Variants in CDH1 observed in about 807,000 individuals in gnomAD.
The protein encoded by CDH1 is cadherin-1.
In CDH1, 35 loss-of-function variants were observed where a neutral mutation model predicts 84.5. That is an observed-to-expected ratio of 0.41 (90% CI 0.32 to 0.55). The LOEUF (loss-of-function observed/expected upper bound fraction) is 0.55, where lower values mean the gene tolerates loss of function less well. CDH1 is among the 20% of genes least tolerant of loss of function. The probability of loss-of-function intolerance (pLI) is 0.19; values close to 1 mark genes in which losing one functional copy is unlikely to be tolerated. For missense variants in CDH1, 994 were observed against 1,126.6 expected, an observed-to-expected ratio of 0.88 and a Z score of 1.68; for synonymous variants, 417 against 439.0, an observed-to-expected ratio of 0.95 and a Z score of 0.63.
chr16:68,780,083 T>C (rs1959834244), intron 2 of CDH1, among the ~76,000 whole-genome samples: 1 of 152,172 alleles, frequency 6.6e-6, no homozygotes, highest in Admixed American at 6.6e-5. Context: ...CTGGATTGGC[T>C]TCCAACCAAG....
intron 6 of CDH1, among the ~76,000 whole-genome samples, chr16:68,811,396 C>CAAA (rs1158343325): frequency 2.6e-5 from 2 of 77,758 alleles, no homozygotes; most frequent in Non-Finnish European, 2.9e-5. Context: ...AACTCCGTCT[C>CAAA]AAAAAAAAAA....
intron 2 of CDH1, among the ~76,000 whole-genome samples, chr16:68,770,388 C>T (rs561572882): frequency 3.9e-5 from 6 of 152,076 alleles, no homozygotes; most frequent in East Asian, 1.9e-4. Context: ...AAGCTCAGTC[C>T]GCAGCACATA....
intron 13 of CDH1, among the ~76,000 whole-genome samples, chr16:68,827,772 C>T (rs1961358919): frequency 6.6e-6 from 1 of 152,016 alleles, no homozygotes; most frequent in East Asian, 1.9e-4. Flanking sequence ...CTCCATGTCT[C>T]TTCCCCTCAT....
Position 68,833,315 on chromosome 16 carries a change from C to G in CDH1, c.2465C>G (p.Pro822Arg), listed in dbSNP as rs1555518215. Residue 822 changes from proline (P) to arginine (R), a missense_variant, in exon 16 of 16, where the codon CCC (proline) becomes CGC (arginine). Transcript: ENST00000261769. ...DENLKAADTD[P>R]TAPPYDSLLV... ...AATCTGAAAGCGGCTGATACTGACC[C>G]CACAGCCCCGCCTTATGATTCTCTG... 3 of 1,614,158 alleles carry G rather than the reference C, an allele frequency of 1.9e-6. No individual in the cohort carries two copies. Among genetic ancestry groups the G allele is most frequent in the Non-Finnish European group, 2.5e-6 (3 of 1,180,024 alleles).
chr16:68,831,809 G>A (rs1329374381), intron 15 of CDH1, among the ~76,000 whole-genome samples: 4 of 152,092 alleles, frequency 2.6e-5, no homozygotes, highest in East Asian at 1.9e-4. Context: ...AAAGTACTGG[G>A]ATTATGGGTG....
chr16:68,822,462 C>G, intron 12 of CDH1: 2 of 588,492 alleles, frequency 3.4e-6, no homozygotes, highest in Admixed American at 2.6e-5. Flanking sequence ...CTCCCTCTCC[C>G]AGCCTCTAGC....
chr16:68,816,875 G>C (rs1395065184), intron 10 of CDH1, among the ~76,000 whole-genome samples: 3 of 152,204 alleles, frequency 2.0e-5, no homozygotes, highest in Non-Finnish European at 2.9e-5. Flanking sequence ...AAGTTTAAAA[G>C]AATGATGAAA....
rs2152139271 is a variant in CDH1 at position 68,823,422 on chromosome 16, C to G, written c.1960C>G (p.Pro654Ala). 1 of 1,613,288 alleles carries G rather than the reference C, an allele frequency of 6.2e-7. No individual in the cohort carries two copies. The highest frequency in any genetic ancestry group is 8.5e-7 in the Non-Finnish European group (1 of 1,179,372). The change falls in exon 13 of 16, where the codon CCA (proline) becomes GCA (alanine). Residue 654 changes from proline to alanine, a missense_variant. Pro to Ala is a conservative substitution (Grantham distance 27, BLOSUM62 -1). This residue lies in a region of CDH1 where 769 missense variants were observed against 881.8 expected (regional missense o/e 0.87). Transcript: ENST00000261769. Reference sequence around the variant, plus strand: ...AGCCCAAGAATCTATCATTTTGAAGCCAAAGATGGCCTTAGAGGTGGGTGA... The same window carrying G: ...AGCCCAAGAATCTATCATTTTGAAGGCAAAGATGGCCTTAGAGGTGGGTGA... ...DPTQESIILKPKMALEVGDYK... is the reference protein window; with the variant it reads ...DPTQESIILKAKMALEVGDYK...
chr16:68,826,177 C>T (rs1432039981), intron 13 of CDH1, among the ~76,000 whole-genome samples: 2 of 151,732 alleles, frequency 1.3e-5, no homozygotes, highest in Non-Finnish European at 2.9e-5. Flanking sequence ...ATAGGATTAC[C>T]TAAATTTGCT....
At chr16:68,737,735 C>T (rs959670308) in intron 1 of CDH1, among the ~76,000 whole-genome samples, 1 of 151,288 alleles carries the variant, frequency 6.6e-6, no homozygotes, top group East Asian at 1.9e-4. Flanking sequence ...GGGGTGGGCT[C>T]GCGCGGGCGG....
chr16:68,739,375 C>T (rs1962498455), intron 2 of CDH1, among the ~76,000 whole-genome samples: 1 of 151,980 alleles, frequency 6.6e-6, no homozygotes, highest in Non-Finnish European at 1.5e-5. Flanking sequence ...TGAGATAGTG[C>T]CACCGCACTC....
chr16:68,824,391 C>A (rs1961264161), intron 13 of CDH1, among the ~76,000 whole-genome samples: 10 of 152,178 alleles, frequency 6.6e-5, no homozygotes, highest in Admixed American at 6.5e-4. Context: ...CTGCCCTCAT[C>A]AGCGTGGTCT....
At chr16:68,765,103 T>A (rs932563160) in intron 2 of CDH1, 1 of 152,238 alleles carries the variant, frequency 6.6e-6, no homozygotes, top group Non-Finnish European at 1.5e-5. Context: ...AGCATGGAGA[T>A]AAGGCAGCTG....
At chr16:68,775,908 C>G (rs151316537) in intron 2 of CDH1, among the ~76,000 whole-genome samples, 1 of 152,190 alleles carries the variant, frequency 6.6e-6, no homozygotes, top group Non-Finnish European at 1.5e-5. Flanking sequence ...AGGTCTCCCC[C>G]ATCCACCCAA....
chr16:68,801,300 G>A (rs71395880), intron 2 of CDH1, among the ~76,000 whole-genome samples: 2,640 of 152,044 alleles, frequency 0.017, 45 homozygotes, highest in Middle Eastern at 0.034. Flanking sequence ...ATTTTTAGTA[G>A]AGACAGGGTT....
At chr16:68,797,514 C>T (rs1960394782) in intron 2 of CDH1, among the ~76,000 whole-genome samples, 1 of 152,122 alleles carries the variant, frequency 6.6e-6, no homozygotes. Flanking sequence ...CAGACCCCAT[C>T]TCTACAATAA....
rs191163372 is a variant in CDH1 at position 68,746,889 on chromosome 16, C to A, written c.163+8478C>A. Among the ~76,000 whole-genome samples the A allele has an allele frequency of 3.4e-3, 512 of 152,254 alleles. 16 individuals are homozygous for A. The highest frequency in any genetic ancestry group is 0.031 in the Admixed American group (472 of 15,286). The stretch of plus-strand genomic sequence containing the variant: ...ACTTGAATCTGGGTGGCGGAGGTTG[C>A]AATGAGCGGAGATTGTGCCATTGCA... On this transcript the variant is annotated intron_variant, in intron 2 of 15. Transcript: ENST00000261769.
chr16:68,740,152 T>C (rs1315383369), intron 2 of CDH1, among the ~76,000 whole-genome samples: 1 of 152,128 alleles, frequency 6.6e-6, no homozygotes, highest in Non-Finnish European at 1.5e-5. Context: ...CTTGATTGGG[T>C]ATCACAATAA....
intron 2 of CDH1, among the ~76,000 whole-genome samples, chr16:68,773,875 T>G (rs1450914355): frequency 6.6e-6 from 1 of 152,206 alleles, no homozygotes; most frequent in Non-Finnish European, 1.5e-5. Context: ...GACGAGAGAT[T>G]GGTGGAGTAT....
Sources: allele counts gnomAD v4.1 joint callset (sites outside exome capture counted in the v4.1 genomes callset), GRCh38; gene constraint gnomAD v4.1.1; regional missense constraint gnomAD v4.1.1; transcripts MANE v1.5; gene names NCBI Gene and HGNC (gene_info 2026-07-23, HGNC 2026-07-21).